FTO: variants seen among roughly 807,000 people sequenced by gnomAD.
The protein encoded by FTO is FTO alpha-ketoglutarate dependent dioxygenase.
In FTO, 47 loss-of-function variants were observed where a neutral mutation model predicts 63.9. That is an observed-to-expected ratio of 0.74 (90% CI 0.58 to 0.94). The LOEUF (loss-of-function observed/expected upper bound fraction) is 0.94, where lower values mean the gene tolerates loss of function less well. Among genes scored for constraint, FTO ranks in the 40% least tolerant of loss-of-function variants. The pLI is 0.00. For synonymous variants in FTO, 207 were observed against 224.4 expected (o/e 0.92, Z 0.69); for missense variants, 562 against 618.1 (o/e 0.91, Z 0.96).
rs190490972 is a variant in FTO, at chr16:53,851,201, A to C, written c.895+6903A>C. On this transcript the variant is annotated intron_variant, in intron 4 of 8. Coordinates refer to ENST00000471389, the MANE Select transcript of FTO (RefSeq NM_001080432.3). Reference sequence around the variant, plus strand: ...GGTGGCTCACGCCTGTAATCCCAGCACTTTGGGAGGCCAAGGCGGACGGAT... The same window carrying C: ...GGTGGCTCACGCCTGTAATCCCAGCCCTTTGGGAGGCCAAGGCGGACGGAT... Among the ~76,000 whole-genome samples the C allele has an allele frequency of 1.2e-3, 177 of 151,466 alleles. 1 individual carries two copies. Among genetic ancestry groups the C allele is most frequent in the Middle Eastern group, 3.4e-3 (1 of 294 alleles).
At chr16:54,093,456 C>T (rs1204333297) in intron 8 of FTO, among the ~76,000 whole-genome samples, 1 of 152,224 alleles carries the variant, frequency 6.6e-6, no homozygotes, top group Non-Finnish European at 1.5e-5. Context: ...GCAGGCCGGG[C>T]ACGGGGCAGG....
At chr16:54,027,262 C>T (rs1190279774) in intron 8 of FTO, among the ~76,000 whole-genome samples, 3 of 152,138 alleles carry the variant, frequency 2.0e-5, no homozygotes, top group African/African-American at 4.8e-5. Flanking sequence ...CCAACCCAAA[C>T]CCCAACAAGC....
At chr16:53,899,303 A>G (rs2081346864) in intron 7 of FTO, among the ~76,000 whole-genome samples, 1 of 152,056 alleles carries the variant, frequency 6.6e-6, no homozygotes, top group African/African-American at 2.4e-5. Context: ...AAAAGTTAGA[A>G]TCATAGTGTT....
chr16:54,065,159 TTAATGTACTG>T (rs2085694019), intron 8 of FTO, among the ~76,000 whole-genome samples: 2 of 69,670 alleles, frequency 2.9e-5, no homozygotes, highest in African/African-American at 7.3e-5. Flanking sequence ...ATTTTATTTA[TTAATGTACTG>T]ATTTTTGACC....
At position 53,873,791 on chromosome 16, in the gene FTO, C is replaced by T. The variant is rs1270214040; in HGVS notation, c.901C>T (p.Leu301Phe). 6.2e-7 allele frequency: 1 copy of T among 1,612,426 alleles called. No homozygotes were observed. The highest frequency in any genetic ancestry group is 1.3e-5 in the African/African-American group (1 of 74,824). The change falls in exon 5 of 9, where the codon CTC (leucine) becomes TTC (phenylalanine). Residue 301 changes from leucine to phenylalanine, a missense_variant. Coordinates refer to ENST00000471389, the MANE Select transcript of FTO (RefSeq NM_001080432.3). ...QGDCYFMLDDLNATHQHCVLA... is the reference protein window; with the variant it reads ...QGDCYFMLDDFNATHQHCVLA... ...TTCTGGTGTTTTTCCTGTAGATGAT[C>T]TCAATGCCACCCACCAACACTGTGT...
intron 3 of FTO, among the ~76,000 whole-genome samples, chr16:53,839,034 C>T (rs558645561): frequency 2.4e-4 from 37 of 152,172 alleles, no homozygotes; most frequent in African/African-American, 7.7e-4. Flanking sequence ...CCTGTAGAGC[C>T]GTGGTTATAA....
intron 8 of FTO, among the ~76,000 whole-genome samples, chr16:54,037,523 C>G (rs2084968592): frequency 6.6e-6 from 1 of 152,166 alleles, no homozygotes; most frequent in African/African-American, 2.4e-5. Context: ...TAATAGCATC[C>G]AGTGCTCATG....
intron 8 of FTO, among the ~76,000 whole-genome samples, chr16:54,056,294 C>G (rs1327740856): frequency 2.6e-5 from 4 of 152,212 alleles, no homozygotes. Flanking sequence ...TAACTGTAAA[C>G]TCTGTGAGGG....
chr16:54,051,478 G>A (rs2085310907), intron 8 of FTO, among the ~76,000 whole-genome samples: 1 of 152,238 alleles, frequency 6.6e-6, no homozygotes, highest in African/African-American at 2.4e-5. Flanking sequence ...GCCTGAGCCA[G>A]GCTTTGCCGT....
intron 1 of FTO, among the ~76,000 whole-genome samples, chr16:53,745,330 C>G (rs1008943841): frequency 6.6e-6 from 1 of 152,118 alleles, no homozygotes; most frequent in Non-Finnish European, 1.5e-5. Flanking sequence ...GCATTGCGAG[C>G]CAAAGCCCAA....
At chr16:54,102,779 G>C (rs1027323499) in intron 8 of FTO, among the ~76,000 whole-genome samples, 8 of 152,146 alleles carry the variant, frequency 5.3e-5, no homozygotes, top group Non-Finnish European at 5.9e-5. Context: ...CAGCAGGATG[G>C]CATAGACCCA....
intron 1 of FTO, among the ~76,000 whole-genome samples, chr16:53,782,991 G>A (rs780899244): frequency 6.2e-4 from 95 of 152,144 alleles, no homozygotes; most frequent in Non-Finnish European, 1.2e-3. Context: ...AATAATGTCA[G>A]AAGAATTGGA....
intron 8 of FTO, among the ~76,000 whole-genome samples, chr16:54,088,168 A>G (rs1215265116): frequency 1.3e-5 from 2 of 152,228 alleles, no homozygotes; most frequent in African/African-American, 2.4e-5. Flanking sequence ...ACAGACATAC[A>G]TGTATCCAAC....
intron 8 of FTO, among the ~76,000 whole-genome samples, chr16:54,086,990 T>C (rs1259828432): frequency 6.6e-6 from 1 of 152,202 alleles, no homozygotes; most frequent in Non-Finnish European, 1.5e-5. Flanking sequence ...TTGGACTTGC[T>C]TGGGCCTCTT....
At chr16:53,987,269 A>G (rs1346752639) in intron 8 of FTO, among the ~76,000 whole-genome samples, 1 of 152,162 alleles carries the variant, frequency 6.6e-6, no homozygotes, top group Non-Finnish European at 1.5e-5. Context: ...CTTACAGTTT[A>G]TCTGGATACG....
At chr16:54,104,078 T>A (rs1376413830) in intron 8 of FTO, among the ~76,000 whole-genome samples, 1 of 152,154 alleles carries the variant, frequency 6.6e-6, no homozygotes, top group Non-Finnish European at 1.5e-5. Flanking sequence ...CTGGAATCAC[T>A]CTGTATGGCA....
At chr16:54,007,396 C>G (rs1207383035) in intron 8 of FTO, among the ~76,000 whole-genome samples, 1 of 152,142 alleles carries the variant, frequency 6.6e-6, no homozygotes, top group African/African-American at 2.4e-5. Flanking sequence ...GTTCTGAGTT[C>G]AGAGCCCACT....
chr16:54,102,446 C>T lies in FTO; in HGVS notation c.1365-9316C>T, dbSNP rs529247804. ...TAACAATCAGCTGGGCATTGTTTTGCGTGCCTGTAATCCCAGCTATGTAAG... is the reference window on the plus strand; with the variant it reads ...TAACAATCAGCTGGGCATTGTTTTGTGTGCCTGTAATCCCAGCTATGTAAG... On this transcript the variant is annotated intron_variant, in intron 8 of 8. Coordinates refer to ENST00000471389, the MANE Select transcript of FTO (RefSeq NM_001080432.3). Among the ~76,000 whole-genome samples, 6 of 152,178 alleles carry T rather than the reference C, an allele frequency of 3.9e-5. No individual in the cohort carries two copies. The East Asian group carries it at 7.7e-4, about 20-fold the overall frequency.
At chr16:53,874,825 C>G (rs2080601289) in intron 5 of FTO, among the ~76,000 whole-genome samples, 1 of 152,182 alleles carries the variant, frequency 6.6e-6, no homozygotes, top group Non-Finnish European at 1.5e-5. Flanking sequence ...TTCTTCCTTT[C>G]TCCCCTTTCT....
Sources: gnomAD v4.1 joint callset for allele counts (sites outside exome capture counted in the v4.1 genomes callset) on GRCh38, gnomAD v4.1.1 for gene constraint, MANE v1.5 for transcripts, NCBI Gene and HGNC (gene_info 2026-07-23, HGNC 2026-07-21) for gene names.